Variants in PIEZO2 observed in about 807,000 individuals in gnomAD.
PIEZO2 encodes piezo type mechanosensitive ion channel component 2.
A neutral mutation model predicts 337.3 loss-of-function variants in PIEZO2; 172 were observed. That is an observed-to-expected ratio of 0.51 (90% CI 0.45 to 0.58). The LOEUF (loss-of-function observed/expected upper bound fraction) is 0.58, where lower values mean the gene tolerates loss of function less well. PIEZO2 is among the 20% of genes least tolerant of loss of function. PIEZO2 has a pLI of 0.00. For synonymous variants in PIEZO2, 1,251 were observed against 1,228.5 expected (o/e 1.02, Z -0.38); for missense variants, 3,028 against 3,391.3 (o/e 0.89, Z 2.66).
intron 2 of PIEZO2, among the ~76,000 whole-genome samples, chr18:11,026,654 C>G (rs532691797): frequency 6.6e-6 from 1 of 152,356 alleles, no homozygotes; most frequent in African/African-American, 2.4e-5. Context: ...CTCCCTCAGC[C>G]TGAATGCTCC....
intron 1 of PIEZO2, among the ~76,000 whole-genome samples, chr18:11,088,061 G>A (rs1451317478): frequency 6.6e-6 from 1 of 152,220 alleles, no homozygotes; most frequent in East Asian, 1.9e-4. Context: ...CCTTGTCTCT[G>A]CTCCCCCTGG....
rs377176172 is a variant in PIEZO2, at chr18:10,742,542, G to A, written c.4588C>T (p.Pro1530Ser). Residue 1530 changes from proline to serine, a missense_variant, in exon 32 of 56, where the codon CCA becomes TCA. This residue lies in a region of PIEZO2 where 1,925 missense variants were observed against 2,051.9 expected (regional missense o/e 0.94). Transcript: ENST00000674853. The stretch of plus-strand genomic sequence containing the variant: ...TTTTGCATGTCCTGGCCTTCCCCTG[G>A]CTCCTGGGTCAAGCTCAGCATCCTC... ...KERMLSLTQE[P>S]GEGQDMQKLS... The A allele has an allele frequency of 1.6e-5, 25 of 1,537,062 alleles. No homozygotes were observed. Among genetic ancestry groups the A allele is most frequent in the East Asian group, 9.8e-5 (4 of 40,910 alleles).
intron 3 of PIEZO2, among the ~76,000 whole-genome samples, chr18:10,921,111 A>G (rs1382712262): frequency 6.6e-6 from 1 of 152,184 alleles, no homozygotes; most frequent in Non-Finnish European, 1.5e-5. Context: ...AGAGGGAGTC[A>G]AATCTAATAG....
Position 10,920,742 on chromosome 18 carries a change from A to G in PIEZO2, c.287-9514T>C, listed in dbSNP as rs188158786. Reference sequence around the variant, plus strand: ...CAGATCAAGAAAGAGGAACTACTTAAGACAACAAAAGGAGGTGTAAGAATG... The same window carrying G: ...CAGATCAAGAAAGAGGAACTACTTAGGACAACAAAAGGAGGTGTAAGAATG... On this transcript the variant is annotated intron_variant, in intron 3 of 55. Transcript: ENST00000674853. Among the ~76,000 whole-genome samples, 430 of 152,278 alleles carry G rather than the reference A, an allele frequency of 2.8e-3. 3 individuals are homozygous for G. Among genetic ancestry groups the G allele is most frequent in the African/African-American group, 9.7e-3 (405 of 41,578 alleles).
At chr18:10,785,612 C>T (rs1322468009) in intron 16 of PIEZO2, among the ~76,000 whole-genome samples, 1 of 152,114 alleles carries the variant, frequency 6.6e-6, no homozygotes, top group Non-Finnish European at 1.5e-5. Context: ...AACTGTCTAC[C>T]CTGCGCAAAC....
At chr18:10,692,864 A>G (rs1171771882) in intron 47 of PIEZO2, among the ~76,000 whole-genome samples, 1 of 152,136 alleles carries the variant, frequency 6.6e-6, no homozygotes, top group Non-Finnish European at 1.5e-5. Context: ...GCAATTCCAT[A>G]TGAATTTTTG....
At position 10,776,887 on chromosome 18, in the gene PIEZO2, A is replaced by G. The variant is rs1183943222; in HGVS notation, c.2535-2849T>C. On this transcript the variant is annotated intron_variant, in intron 18 of 55. Coordinates refer to ENST00000674853, the MANE Select transcript of PIEZO2 (RefSeq NM_001378183.1). ...AATTTAAAAACCCACTCTAGTAAAA[A>G]TACTCCTGGAAACTTCAGGCTAAAG... Among the ~76,000 whole-genome samples, 3 of 152,306 alleles carry G rather than the reference A, an allele frequency of 2.0e-5. No individual in the cohort carries two copies. In the East Asian group the frequency reaches 5.8e-4, roughly 29 times the overall value.
At position 10,903,213 on chromosome 18, in the gene PIEZO2, G is replaced by A. The variant is rs1368246583; in HGVS notation, c.329+7973C>T. Among the ~76,000 whole-genome samples, 1 of 152,118 alleles carries A rather than the reference G, an allele frequency of 6.6e-6. No individual in the cohort carries two copies. The highest frequency in any genetic ancestry group is 1.9e-4 in the East Asian group (1 of 5,192). ...TCACACTCACACTGTCCCTATCTTG[G>A]TCGAGACATTATAATCACTCTCCTG... is the stretch of plus-strand genomic sequence containing the variant. On this transcript the variant is annotated intron_variant, in intron 4 of 55. Transcript: ENST00000674853. The surrounding 1 kb of genome is among the most constrained non-coding windows in gnomAD (Gnocchi z 4.1).
chr18:11,036,146 G>T (rs2036919461), intron 2 of PIEZO2, among the ~76,000 whole-genome samples: 1 of 152,174 alleles, frequency 6.6e-6, no homozygotes, highest in Admixed American at 6.5e-5. Flanking sequence ...GAAGCCCTTT[G>T]TTCCCTTGGA....
chr18:10,751,430 T>A (rs2037640120), intron 28 of PIEZO2, among the ~76,000 whole-genome samples: 1 of 152,220 alleles, frequency 6.6e-6, no homozygotes, highest in Admixed American at 6.5e-5. Flanking sequence ...CAACTCTCAA[T>A]GCTACTCCAA....
At position 10,913,343 on chromosome 18, in the gene PIEZO2, C is replaced by T. The variant is rs531037237; in HGVS notation, c.287-2115G>A. Reference sequence around the variant, plus strand: ...AGGTGGGAGAGATGAGGGTCTCCTACCAAAATGAGAACCAGATGGCCAAGC... The same window carrying T: ...AGGTGGGAGAGATGAGGGTCTCCTATCAAAATGAGAACCAGATGGCCAAGC... On this transcript the variant is annotated intron_variant, in intron 3 of 55. Transcript: ENST00000674853. 1.4e-4 allele frequency among the ~76,000 whole-genome samples: 22 copies of T among 152,120 alleles called. 1 individual carries two copies. The highest frequency in any genetic ancestry group is 1.4e-3 in the Admixed American group (22 of 15,286).
intron 2 of PIEZO2, among the ~76,000 whole-genome samples, chr18:11,039,552 ATATAAC>A (rs1156247767): frequency 6.6e-6 from 1 of 152,160 alleles, no homozygotes; most frequent in African/African-American, 2.4e-5. Context: ...ACTGACATAT[ATATAAC>A]TATATGTGTC....
At chr18:11,020,470 C>A (rs765971528) in intron 2 of PIEZO2, among the ~76,000 whole-genome samples, 1 of 152,140 alleles carries the variant, frequency 6.6e-6, no homozygotes, top group Non-Finnish European at 1.5e-5. Context: ...TGCACATTTG[C>A]AGACTAGTTG....
intron 4 of PIEZO2, among the ~76,000 whole-genome samples, chr18:10,893,884 T>C (rs1285775608): frequency 2.6e-5 from 4 of 152,180 alleles, no homozygotes; most frequent in Non-Finnish European, 5.9e-5. Flanking sequence ...CCTTGCAGCT[T>C]CCTCCTGATA....
intron 4 of PIEZO2, among the ~76,000 whole-genome samples, chr18:10,910,160 T>C (rs2030334608): frequency 6.6e-6 from 1 of 152,210 alleles, no homozygotes; most frequent in South Asian, 2.1e-4. Flanking sequence ...GACAGTAAAA[T>C]GAAATTAAAA....
At position 10,729,064 on chromosome 18, in the gene PIEZO2, C is replaced by T. The variant is rs375339648; in HGVS notation, c.5029+2343G>A. Among the ~76,000 whole-genome samples, 184 of 151,224 alleles carry T rather than the reference C, an allele frequency of 1.2e-3. 1 individual carries two copies. Among genetic ancestry groups the T allele is most frequent in the African/African-American group, 4.2e-3 (174 of 41,154 alleles). ...CACAACATACTGTTAGGATTTGTAACCTTAGAGGACAGGATTTTGAGGTGA... is the reference window on the plus strand; with the variant it reads ...CACAACATACTGTTAGGATTTGTAATCTTAGAGGACAGGATTTTGAGGTGA... On this transcript the variant is annotated intron_variant, in intron 36 of 55. Transcript: ENST00000674853.
chr18:11,140,238 C>T lies in PIEZO2; in HGVS notation c.64+8287G>A, dbSNP rs534400910. On this transcript the variant is annotated intron_variant, in intron 1 of 55. Transcript: ENST00000674853. ...ACCCTCCCAAGGTGGATGAGCAGAT[C>T]TTTTATGATAAATCCACTGTAACAT... is the stretch of plus-strand genomic sequence containing the variant. Among the ~76,000 whole-genome samples the T allele has an allele frequency of 5.0e-4, 76 of 152,302 alleles. 1 individual carries two copies. The highest frequency in any genetic ancestry group is 1.7e-3 in the African/African-American group (71 of 41,560).
chr18:10,946,514 T>G (rs564685058), intron 3 of PIEZO2, among the ~76,000 whole-genome samples: 1 of 152,246 alleles, frequency 6.6e-6, no homozygotes, highest in African/African-American at 2.4e-5. Context: ...GGAGCTGAGA[T>G]TACATCCCCT....
At chr18:11,108,899 G>A (rs2039652016) in intron 1 of PIEZO2, among the ~76,000 whole-genome samples, 1 of 152,176 alleles carries the variant, frequency 6.6e-6, no homozygotes, top group African/African-American at 2.4e-5. Context: ...CAAAGGAAGT[G>A]TTAAACAGTC....
Sources: allele counts gnomAD v4.1 joint callset (sites outside exome capture counted in the v4.1 genomes callset), GRCh38; gene constraint gnomAD v4.1.1; regional missense constraint gnomAD v4.1.1; non-coding constraint Gnocchi (gnomAD v3.1); transcripts MANE v1.5; gene names NCBI Gene and HGNC (gene_info 2026-07-23, HGNC 2026-07-21).